Variants in NAALADL2 observed in about 807,000 individuals in gnomAD.
The protein encoded by NAALADL2 is N-acetylated alpha-linked acidic dipeptidase like 2, also known as inactive N-acetylated-alpha-linked acidic dipeptidase-like protein 2.
Under a neutral mutation model 87.2 loss-of-function variants are expected in NAALADL2, and 76 were observed. That is an observed-to-expected ratio of 0.87 (90% CI 0.72 to 1.05). The LOEUF is 1.05. Among genes scored for constraint, NAALADL2 ranks in the 50% least tolerant of loss-of-function variants. The pLI is 0.00. For synonymous variants in NAALADL2, 354 were observed against 331.0 expected (o/e 1.07, Z -0.75); for missense variants, 1,089 against 945.8 (o/e 1.15, Z -1.99).
chr3:175,216,932 G>T (rs1580972291), intron 2 of NAALADL2, among the ~76,000 whole-genome samples: 1 of 152,188 alleles, frequency 6.6e-6, no homozygotes, highest in Non-Finnish European at 1.5e-5. Context: ...CTCCCAAAGG[G>T]TTGGGATTAC....
intron 4 of NAALADL2, among the ~76,000 whole-genome samples, chr3:175,292,808 T>A (rs1244972415): frequency 6.6e-6 from 1 of 151,422 alleles, no homozygotes; most frequent in South Asian, 2.1e-4. Context: ...GAGGCCGAGG[T>A]GGGTGGATCT....
intron 1 of NAALADL2, among the ~76,000 whole-genome samples, chr3:174,505,965 T>C (rs1322473693): frequency 6.6e-6 from 1 of 152,132 alleles, no homozygotes; most frequent in African/African-American, 2.4e-5. Context: ...TTTTAGTGTA[T>C]ACTTTCCAGA....
chr3:174,736,567 G>C (rs1308552722), intron 2 of NAALADL2, among the ~76,000 whole-genome samples: 1 of 152,106 alleles, frequency 6.6e-6, no homozygotes, highest in Non-Finnish European at 1.5e-5. Flanking sequence ...GTTCCTGTCT[G>C]TAGGCAGGTT....
At chr3:175,667,175 AAGAAAG>A (rs1165255496) in intron 11 of NAALADL2, among the ~76,000 whole-genome samples, 1 of 132,626 alleles carries the variant, frequency 7.5e-6, no homozygotes, top group Non-Finnish European at 1.6e-5. Context: ...GAAAGAAAGA[AAGAAAG>A]AGAAAGAAAG....
chr3:174,750,185 C>T (rs573091979), intron 3 of NAALADL2, among the ~76,000 whole-genome samples: 1 of 152,208 alleles, frequency 6.6e-6, no homozygotes, highest in African/African-American at 2.4e-5. Context: ...TGGCAATAAT[C>T]ACTGCTATTT....
intron 2 of NAALADL2, among the ~76,000 whole-genome samples, chr3:174,686,123 T>A (rs1245638215): frequency 1.3e-5 from 2 of 152,098 alleles, no homozygotes; most frequent in African/African-American, 4.8e-5. Context: ...AGTGATGCAA[T>A]GAACATATGC....
chr3:175,429,210 C>CACACACAT (rs76602013), intron 5 of NAALADL2, among the ~76,000 whole-genome samples: 12 of 147,860 alleles, frequency 8.1e-5, no homozygotes, highest in African/African-American at 2.3e-4. Context: ...CACACACACA[C>CACACACAT]ATATATATAC....
chr3:175,659,147 G>A (rs570397604), intron 11 of NAALADL2, among the ~76,000 whole-genome samples: 2 of 152,192 alleles, frequency 1.3e-5, no homozygotes, highest in South Asian at 4.1e-4. Context: ...TAGGATTTTT[G>A]TGAAAATCAT....
chr3:174,770,984 G>A (rs997518187), intron 3 of NAALADL2, among the ~76,000 whole-genome samples: 5 of 151,928 alleles, frequency 3.3e-5, no homozygotes, highest in Non-Finnish European at 5.9e-5. Context: ...AAGCCTTTTT[G>A]TTAAAAGATA....
chr3:175,794,383 GGA>G (rs1753199140), intron 13 of NAALADL2, among the ~76,000 whole-genome samples: 1 of 114,428 alleles, frequency 8.7e-6, no homozygotes, highest in African/African-American at 6.3e-5. Context: ...AAATGAGTGT[GGA>G]AAAAAAAAAA....
At chr3:174,797,305 C>CTTTTTCT (rs1718237636) in intron 3 of NAALADL2, among the ~76,000 whole-genome samples, 26 of 72,722 alleles carry the variant, frequency 3.6e-4, no homozygotes, top group African/African-American at 1.1e-3. Context: ...TTTCTTTTTT[C>CTTTTTCT]TTTTTTTTTT....
At chr3:175,522,912 T>C (rs987611362) in intron 9 of NAALADL2, among the ~76,000 whole-genome samples, 6 of 152,170 alleles carry the variant, frequency 3.9e-5, no homozygotes, top group Admixed American at 6.5e-5. Flanking sequence ...GTATATAAGG[T>C]TCAATTGCAA....
In NAALADL2 at chr3:175,589,986, G is replaced by T. The variant is rs374495480; in HGVS notation, c.1800+13799G>T. ...CCAACACTTTGGGAGGCCGAGGCAG[G>T]CGGGTCACGAGGTCAGGAGATCGAG... On this transcript the variant is annotated intron_variant, in intron 10 of 13. Coordinates refer to ENST00000454872, the MANE Select transcript of NAALADL2 (RefSeq NM_207015.3). 3.9e-5 allele frequency among the ~76,000 whole-genome samples: 6 copies of T among 152,196 alleles called. No individual in the cohort carries two copies. In the East Asian group the frequency reaches 7.8e-4, roughly 20 times the overall value.
At chr3:175,255,887 C>G (rs144893646) in intron 3 of NAALADL2, among the ~76,000 whole-genome samples, 1 of 152,062 alleles carries the variant, frequency 6.6e-6, no homozygotes, top group Non-Finnish European at 1.5e-5. Flanking sequence ...GTATTCTGCA[C>G]GACTCAAGGA....
rs546708539 is a variant in NAALADL2, at chr3:174,836,702, C to G, written c.-9+98956C>G. Among the ~76,000 whole-genome samples, 3 of 105,810 alleles carry G rather than the reference C, an allele frequency of 2.8e-5. No homozygotes were observed. In the East Asian group the frequency reaches 8.6e-4, roughly 30 times the overall value. The allele number at this position is 105,810 out of a possible 152,430, so 69.4% of individuals were successfully genotyped here. On this transcript the variant is annotated intron_variant, in intron 3 of 3. Coordinates refer to the NAALADL2 transcript ENST00000434257. ...CCAGCCTGGGTGACAGAGCGAGACT[C>G]CGTCTCAAAAAAAAAAAAAAAAAAA... is the stretch of plus-strand genomic sequence containing the variant.
At chr3:175,557,780 C>T (rs1050050363) in intron 9 of NAALADL2, among the ~76,000 whole-genome samples, 1 of 152,108 alleles carries the variant, frequency 6.6e-6, no homozygotes, top group Non-Finnish European at 1.5e-5. Context: ...TGGATAACCG[C>T]CATTTTACCT....
At chr3:175,094,251 T>C (rs1720713051) in intron 1 of NAALADL2, among the ~76,000 whole-genome samples, 1 of 151,844 alleles carries the variant, frequency 6.6e-6, no homozygotes, top group South Asian at 2.1e-4. Context: ...GTTAAAGAAG[T>C]AAATATAATA....
At chr3:175,424,478 G>A (rs541314873) in intron 5 of NAALADL2, among the ~76,000 whole-genome samples, 40 of 152,198 alleles carry the variant, frequency 2.6e-4, no homozygotes, top group Non-Finnish European at 4.6e-4. Context: ...TCTACATATG[G>A]CTAGCCAGTT....
chr3:174,851,375 A>AG (rs1340925456), intron 3 of NAALADL2, among the ~76,000 whole-genome samples: 2 of 151,632 alleles, frequency 1.3e-5, no homozygotes, highest in African/African-American at 4.8e-5. Flanking sequence ...AAAAAAAAAA[A>AG]AAAAAAATCA....
Sources: gnomAD v4.1 joint callset for allele counts (sites outside exome capture counted in the v4.1 genomes callset) on GRCh38, gnomAD v4.1.1 for gene constraint, MANE v1.5 for transcripts, NCBI Gene and HGNC (gene_info 2026-07-23, HGNC 2026-07-21) for gene names.